Variants in IRS1 observed in about 807,000 individuals in gnomAD.
The protein encoded by IRS1 is insulin receptor substrate 1.
Under a neutral mutation model 65.6 loss-of-function variants are expected in IRS1, and 34 were observed. That is an observed-to-expected ratio of 0.52 (90% CI 0.39 to 0.69). The LOEUF (loss-of-function observed/expected upper bound fraction) is 0.69. Ranked by LOEUF, IRS1 falls within the 30% of genes least tolerant of loss-of-function variation. The pLI, the probability that IRS1 is intolerant of heterozygous loss-of-function variation, is 0.00. For missense variants in IRS1, 1,641 were observed against 1,720.2 expected (o/e 0.95, Z 0.81); for synonymous variants, 699 against 683.5 (o/e 1.02, Z -0.35).
chr2:226,773,212 T>G (rs2106172756), intron 1 of IRS1, among the ~76,000 whole-genome samples: 1 of 152,332 alleles, frequency 6.6e-6, no homozygotes, highest in Non-Finnish European at 1.5e-5. Context: ...AACATAAGGT[T>G]TGTTTCAGGT....
intron 1 of IRS1, among the ~76,000 whole-genome samples, chr2:226,771,318 G>A (rs1416411986): frequency 6.6e-6 from 1 of 152,144 alleles, no homozygotes; most frequent in Non-Finnish European, 1.5e-5. Context: ...TCAGCCGGCT[G>A]TCCGGTGGCT....
At chr2:226,744,940 TA>T (rs965372046) in intron 1 of IRS1, among the ~76,000 whole-genome samples, 21 of 145,658 alleles carry the variant, frequency 1.4e-4, no homozygotes, top group South Asian at 2.2e-4. Flanking sequence ...AACTGTTCTT[TA>T]AAAAAAAAAA....
chr2:226,742,047 G>A (rs1269591947), intron 1 of IRS1, among the ~76,000 whole-genome samples: 3 of 152,150 alleles, frequency 2.0e-5, no homozygotes, highest in Non-Finnish European at 4.4e-5. Context: ...AGCACAGAAG[G>A]AGGAAGCTGC....
chr2:226,743,091 C>A (rs1352258115), intron 1 of IRS1, among the ~76,000 whole-genome samples: 10 of 151,982 alleles, frequency 6.6e-5, no homozygotes, highest in Non-Finnish European at 1.5e-4. Flanking sequence ...CAAAATGTTT[C>A]CAATCTCCCT....
intron 1 of IRS1, among the ~76,000 whole-genome samples, chr2:226,765,518 A>G (rs899876650): frequency 6.6e-6 from 1 of 152,200 alleles, no homozygotes; most frequent in Admixed American, 6.5e-5. Context: ...TTTCCTACAA[A>G]GTTGACTAAT....
intron 1 of IRS1, among the ~76,000 whole-genome samples, chr2:226,758,369 G>T (rs535012302): frequency 6.6e-6 from 1 of 152,238 alleles, no homozygotes; most frequent in Admixed American, 6.5e-5. Context: ...CACGTGATGA[G>T]TAAGTCTAAA....
chr2:226,768,797 C>T (rs370430949), intron 1 of IRS1, among the ~76,000 whole-genome samples: 9 of 152,206 alleles, frequency 5.9e-5, no homozygotes, highest in African/African-American at 1.4e-4. Context: ...CCACCACGCC[C>T]GGCTAATTTT....
At chr2:226,762,373 A>G (rs77268037) in intron 1 of IRS1, among the ~76,000 whole-genome samples, 3 of 146,602 alleles carry the variant, frequency 2.0e-5, no homozygotes, top group Non-Finnish European at 3.0e-5. Flanking sequence ...AAAAAAAAAA[A>G]GAGAGAGAGC....
Position 226,732,517 on chromosome 2 carries a change from T to C in IRS1, c.*3755A>G, listed in dbSNP as rs1938242520. 1 of 148,982 alleles carries C rather than the reference T, an allele frequency of 6.7e-6. No individual in the cohort carries two copies. Among genetic ancestry groups the C allele is most frequent in the South Asian group, 2.1e-4 (1 of 4,780 alleles). 9.2% of individuals were successfully genotyped at this position (148,982 alleles called of 1,614,324 possible). On this transcript the variant is annotated 3_prime_UTR_variant, in exon 2 of 2. Transcript: ENST00000305123. ...ACACACACACACATATGTGTATCTA[T>C]ATATGTGTGTATATATATCTATATA...
At chr2:226,780,954 C>T (rs945328362) in intron 1 of IRS1, among the ~76,000 whole-genome samples, 3 of 152,172 alleles carry the variant, frequency 2.0e-5, no homozygotes, top group Non-Finnish European at 2.9e-5. Flanking sequence ...ATGTGTCAAG[C>T]GTTTTGTGAG....
In IRS1 at chr2:226,796,955, C is replaced by A. The variant is rs369611716; in HGVS notation, c.1784G>T (p.Arg595Leu). Residue 595 changes from arginine (R) to leucine (L), a missense_variant, in exon 1 of 2, where the codon CGG becomes CTG. Physicochemically the swap from Arg to Leu is moderately radical, Grantham distance 102. Around this residue, in one of 3 missense-constraint regions of IRS1, gnomAD observed 1,324 missense variants for 1,361.0 expected, o/e 0.97. Coordinates refer to ENST00000305123, the MANE Select transcript of IRS1 (RefSeq NM_005544.3). ...GCTGTCTGGGCGGTGGTGCCCCCCC[C>A]GACGCTCCAAGGGGTGCATTTCCAG... ...EGLEMHPLER[R>L]GGHHRPDSST... 2 of 1,564,622 alleles carry A rather than the reference C, an allele frequency of 1.3e-6. No homozygotes were observed. The highest frequency in any genetic ancestry group is 4.5e-5 in the East Asian group (2 of 44,350).
intron 1 of IRS1, among the ~76,000 whole-genome samples, chr2:226,757,909 G>T (rs1014691789): frequency 4.6e-5 from 7 of 152,202 alleles, no homozygotes; most frequent in African/African-American, 9.6e-5. Flanking sequence ...ACAACAAAAT[G>T]TTTTATTTAA....
In IRS1 at chr2:226,791,457, C is replaced by T. The variant is rs549974547; in HGVS notation, c.*21+3532G>A. Among the ~76,000 whole-genome samples, 146 of 152,344 alleles carry T rather than the reference C, an allele frequency of 9.6e-4. 4 individuals are homozygous for T. The highest frequency in any genetic ancestry group is 6.5e-4 in the Non-Finnish European group (44 of 68,036). On this transcript the variant is annotated intron_variant, in intron 1 of 1. Transcript: ENST00000305123. Reference sequence around the variant, plus strand: ...TAAGAGCAAGTGTGTGTTTCCGGCCCCCGTCCGTGGGCTGGTTGGACTTTT... The same window carrying T: ...TAAGAGCAAGTGTGTGTTTCCGGCCTCCGTCCGTGGGCTGGTTGGACTTTT...
chr2:226,753,713 C>T (rs1372749919), intron 1 of IRS1, among the ~76,000 whole-genome samples: 1 of 152,134 alleles, frequency 6.6e-6, no homozygotes, highest in African/African-American at 2.4e-5. Context: ...TAATTTCAGC[C>T]AAATCAAAGA....
intron 1 of IRS1, among the ~76,000 whole-genome samples, chr2:226,752,862 C>G (rs1027965340): frequency 2.6e-5 from 4 of 152,186 alleles, no homozygotes; most frequent in Admixed American, 6.5e-5. Context: ...CGTGGGACCT[C>G]GGGCACTTGA....
At position 226,796,963 on chromosome 2, in the gene IRS1, C is replaced by G; in HGVS notation, c.1776G>C (p.Leu592Phe). 1 of 1,574,218 alleles carries G rather than the reference C, an allele frequency of 6.4e-7. No individual in the cohort carries two copies. Among genetic ancestry groups the G allele is most frequent in the Non-Finnish European group, 8.6e-7 (1 of 1,156,632 alleles). The change falls in exon 1 of 2, where the codon TTG becomes TTC. Residue 592 changes from leucine to phenylalanine, a missense_variant. Physicochemically the swap from Leu to Phe is conservative, Grantham distance 22. Around this residue, in one of 3 missense-constraint regions of IRS1, gnomAD observed 1,324 missense variants for 1,361.0 expected, o/e 0.97. Transcript: ENST00000305123. ...GGCGGTGGTGCCCCCCCCGACGCTCCAAGGGGTGCATTTCCAGACCCTCCT... is the reference window on the plus strand; with the variant it reads ...GGCGGTGGTGCCCCCCCCGACGCTCGAAGGGGTGCATTTCCAGACCCTCCT... ...YPEEGLEMHP[L>F]ERRGGHHRPD...
At chr2:226,759,254 T>A (rs1437037051) in intron 1 of IRS1, among the ~76,000 whole-genome samples, 1 of 152,256 alleles carries the variant, frequency 6.6e-6, no homozygotes, top group African/African-American at 2.4e-5. Flanking sequence ...TACAATGCCA[T>A]GCTGGAAAAT....
intron 1 of IRS1, among the ~76,000 whole-genome samples, chr2:226,750,534 A>G (rs1274900978): frequency 6.6e-6 from 1 of 152,210 alleles, no homozygotes; most frequent in East Asian, 1.9e-4. Context: ...AAAAAGACCC[A>G]AAAATGTCTT....
Position 226,798,955 on chromosome 2 carries a change from G to A in IRS1, c.-217C>T. 1 of 1,445,864 alleles carries A rather than the reference G, an allele frequency of 6.9e-7. No homozygotes were observed. The highest frequency in any genetic ancestry group is 9.1e-7 in the Non-Finnish European group (1 of 1,098,282). 89.6% of individuals were successfully genotyped at this position (1,445,864 alleles called of 1,614,324 possible). A position where few individuals can be genotyped will look rare whatever the true frequency, so the allele number is the denominator to read the frequency against. ...GGAGAGAGCCCGACCGGAGTTTTCG[G>A]GCGCTTCACGCCCGGCGGGGAGGCA... On this transcript the variant is annotated 5_prime_UTR_variant, in exon 1 of 2. Transcript: ENST00000305123. The surrounding 1 kb of genome is among the most constrained non-coding windows in gnomAD (Gnocchi z 9.4).
Sources: gnomAD v4.1 joint callset for allele counts (sites outside exome capture counted in the v4.1 genomes callset) on GRCh38, gnomAD v4.1.1 for gene constraint, gnomAD v4.1.1 regional missense constraint, Gnocchi (gnomAD v3.1) non-coding constraint, MANE v1.5 for transcripts, NCBI Gene and HGNC (gene_info 2026-07-23, HGNC 2026-07-21) for gene names.